TBX3: variants seen among roughly 807,000 people sequenced by gnomAD.
TBX3 encodes T-box transcription factor TBX3.
Under a neutral mutation model 47.8 loss-of-function variants are expected in TBX3, and 11 were observed. The observed-to-expected ratio is 0.23, with a 90% confidence interval of 0.14 to 0.38. The LOEUF is 0.38. Ranked by LOEUF, TBX3 falls within the 10% of genes least tolerant of loss-of-function variation. TBX3 has a pLI of 1.00. For missense variants in TBX3, 927 were observed against 1,022.8 expected, an observed-to-expected ratio of 0.91 and a Z score of 1.28; for synonymous variants, 500 against 449.3, an observed-to-expected ratio of 1.11 and a Z score of -1.43.
intron 1 of TBX3, among the ~76,000 whole-genome samples, chr12:114,681,932 C>A (rs1490940537): frequency 1.3e-5 from 2 of 152,182 alleles, no homozygotes; most frequent in Non-Finnish European, 2.9e-5. Flanking sequence ...TTATGCCAAA[C>A]TTTGGCCTCA....
At position 114,670,322 on chromosome 12, in the gene TBX3, C is replaced by T; in HGVS notation, c.*1519G>A. The T allele has an allele frequency of 4.5e-6, 1 of 224,710 alleles. No homozygotes were observed. The highest frequency in any genetic ancestry group is 8.9e-6 in the Non-Finnish European group (1 of 112,800). The allele number at this position is 224,710 out of a possible 1,614,324, so 13.9% of individuals were successfully genotyped here. A position where few individuals can be genotyped will look rare whatever the true frequency, so the allele number is the denominator to read the frequency against. On this transcript the variant is annotated 3_prime_UTR_variant, in exon 7 of 7. Transcript: ENST00000349155. ...AAGAGAGGGGGAAAAATACAGAAAA[C>T]CAAAGAACTCATCAACAACTATAAC...
At position 114,672,414 on chromosome 12, in the gene TBX3, G is replaced by A; in HGVS notation, c.1711-112C>T. On this transcript the variant is annotated intron_variant, in intron 6 of 6. Transcript: ENST00000349155. ...TGGGCAAGCCATGAATCCCTGGTAT[G>A]TTCTGTTGTTGTTGTTGTTGTGTTT... 3.6e-6 allele frequency: 3 copies of A among 832,602 alleles called. 1 individual carries two copies. Among genetic ancestry groups the A allele is most frequent in the East Asian group, 6.8e-5 (2 of 29,406 alleles). The allele number at this position is 832,602 out of a possible 1,614,324, so 51.6% of individuals were successfully genotyped here.
Position 114,683,573 on chromosome 12 carries a change from T to C in TBX3, c.-373A>G, listed in dbSNP as rs1869047101. ...CCGAGCCCTGCCGCTGAGCTCGAAA[T>C]AGACACTCCAGCCCTGCGTCCCAGG... is the stretch of plus-strand genomic sequence containing the variant. On this transcript the variant is annotated 5_prime_UTR_variant, in exon 1 of 7. Transcript: ENST00000349155. The surrounding 1 kb of genome is among the most constrained non-coding windows in gnomAD (Gnocchi z 7.7). 2 of 301,748 alleles carry C rather than the reference T, an allele frequency of 6.6e-6. No individual in the cohort carries two copies. Among genetic ancestry groups the C allele is most frequent in the East Asian group, 1.1e-4 (2 of 18,956 alleles). The allele number at this position is 301,748 out of a possible 1,614,324, so 18.7% of individuals were successfully genotyped here.
chr12:114,676,274 G>T (rs1266662988), intron 5 of TBX3, 39 bp downstream of exon 5: 1 of 1,612,194 alleles, frequency 6.2e-7, no homozygotes, highest in South Asian at 1.1e-5. Context: ...AGGCCACGAG[G>T]GACTGGAGTC....
rs979005486 is a variant in TBX3 at position 114,671,726 on chromosome 12, C to T, written c.*115G>A. 43 of 1,385,050 alleles carry T rather than the reference C, an allele frequency of 3.1e-5. No homozygotes were observed. The highest frequency in any genetic ancestry group is 4.3e-5 in the African/African-American group (3 of 69,784). 85.8% of individuals were successfully genotyped at this position (1,385,050 alleles called of 1,614,324 possible). A position where few individuals can be genotyped will look rare whatever the true frequency, so the allele number is the denominator to read the frequency against. On this transcript the variant is annotated 3_prime_UTR_variant, in exon 7 of 7. Transcript: ENST00000349155. ...AGGGAGTCCGGGGCCCCTTCCCAGA[C>T]GCAACTGCAAAAGGAAGGGCTAACG... is the stretch of plus-strand genomic sequence containing the variant.
In TBX3 at chr12:114,683,345, G is replaced by T; in HGVS notation, c.-145C>A. 8.7e-7 allele frequency: 1 copy of T among 1,148,036 alleles called. No individual in the cohort carries two copies. The highest frequency in any genetic ancestry group is 1.2e-6 in the Non-Finnish European group (1 of 824,130). 71.1% of individuals were successfully genotyped at this position (1,148,036 alleles called of 1,614,324 possible). ...AAAAAAGAAAGAAAAAAGAAAAGGA[G>T]GCAGAAATCACAACTAATGCACTTC... is the stretch of plus-strand genomic sequence containing the variant. On this transcript the variant is annotated 5_prime_UTR_variant, in exon 1 of 7. Transcript: ENST00000349155. This position sits in a 1 kb window ranked among gnomAD's most constrained non-coding sequence, Gnocchi z 7.7.
rs1479267403 is a variant in TBX3 at position 114,674,218 on chromosome 12, C to G, written c.1657G>C (p.Ala553Pro). 1.3e-6 allele frequency: 2 copies of G among 1,578,598 alleles called. No individual in the cohort carries two copies. Among genetic ancestry groups the G allele is most frequent in the African/African-American group, 2.7e-5 (2 of 74,716 alleles). Reference sequence around the variant, plus strand: ...TGGAAGGGCAGGGTGGCCGCGGACGCCCCGGACAGTCCCTGCGCCGCAGCG... The same window carrying G: ...TGGAAGGGCAGGGTGGCCGCGGACGGCCCGGACAGTCCCTGCGCCGCAGCG... ...SAAAAQGLSGASAATLPFHLQ... is the reference protein window; with the variant it reads ...SAAAAQGLSGPSAATLPFHLQ... The change falls in exon 6 of 7, where the codon GCG becomes CCG. Residue 553 changes from alanine to proline, a missense_variant. This residue lies in a region of TBX3 where 623 missense variants were observed against 569.0 expected (regional missense o/e 1.09). Coordinates refer to ENST00000349155, the MANE Select transcript of TBX3 (RefSeq NM_005996.4).
rs138698422 is a variant in TBX3, at chr12:114,677,391, A to C, written c.881+189T>G. ...GGTGTAGCCTAGTTAATTTCCTTAAAGGTAAGGAGGTAGGAAAAGTACTTG... is the reference window on the plus strand; with the variant it reads ...GGTGTAGCCTAGTTAATTTCCTTAACGGTAAGGAGGTAGGAAAAGTACTTG... On this transcript the variant is annotated intron_variant, in intron 4 of 6. Coordinates refer to ENST00000349155, the MANE Select transcript of TBX3 (RefSeq NM_005996.4). Among the ~76,000 whole-genome samples the C allele has an allele frequency of 7.9e-3, 1,205 of 152,290 alleles. 15 individuals are homozygous for C. The highest frequency in any genetic ancestry group is 0.017 in the Admixed American group (257 of 15,302).
Position 114,674,205 on chromosome 12 carries a change from G to A in TBX3, c.1670C>T (p.Thr557Ile), listed in dbSNP as rs1229095604. Residue 557 changes from threonine (T) to isoleucine (I), a missense_variant, in exon 6 of 7, where the codon ACC becomes ATC. This residue lies in a region of TBX3 where 623 missense variants were observed against 569.0 expected (regional missense o/e 1.09). Coordinates refer to ENST00000349155, the MANE Select transcript of TBX3 (RefSeq NM_005996.4). ...GTGCTGCTGGAGGTGGAAGGGCAGGGTGGCCGCGGACGCCCCGGACAGTCC... is the reference window on the plus strand; with the variant it reads ...GTGCTGCTGGAGGTGGAAGGGCAGGATGGCCGCGGACGCCCCGGACAGTCC... Reference protein sequence around the residue: ...AQGLSGASAATLPFHLQQHVL... With the variant: ...AQGLSGASAAILPFHLQQHVL... 1 of 1,582,092 alleles carries A rather than the reference G, an allele frequency of 6.3e-7. No individual in the cohort carries two copies. The highest frequency in any genetic ancestry group is 2.3e-5 in the East Asian group (1 of 43,954).
Position 114,683,230 on chromosome 12 carries a change from CG to C in TBX3, c.-31del. ...TCCAGGCGGGGCGCTGGGCTCCAGC[CG>C]GGGACAAGTCCGCAGCTGCTGTGTT... is the stretch of plus-strand genomic sequence containing the variant. On this transcript the variant is annotated 5_prime_UTR_variant, in exon 1 of 7. Transcript: ENST00000349155. This position sits in a 1 kb window ranked among gnomAD's most constrained non-coding sequence, Gnocchi z 7.7. The C allele has an allele frequency of 6.2e-7, 1 of 1,605,258 alleles. No individual in the cohort carries two copies. Among genetic ancestry groups the C allele is most frequent in the Non-Finnish European group, 8.5e-7 (1 of 1,174,912 alleles).
At chr12:114,681,637 G>T (rs1448473856) in intron 1 of TBX3, among the ~76,000 whole-genome samples, 1 of 152,184 alleles carries the variant, frequency 6.6e-6, no homozygotes, top group African/African-American at 2.4e-5. Context: ...CCTCCCTGCT[G>T]CAGAATAGCA....
chr12:114,675,448 C>G (rs778542052), intron 5 of TBX3, among the ~76,000 whole-genome samples: 1 of 152,172 alleles, frequency 6.6e-6, no homozygotes, highest in Admixed American at 6.5e-5. Context: ...AGATGAGTGT[C>G]GGACAGATGG....
rs140774817 is a variant in TBX3, at chr12:114,683,105, C to A, written c.96G>T (p.Ala32=). 8 of 1,612,298 alleles carry A rather than the reference C, an allele frequency of 5.0e-6. No individual in the cohort carries two copies. The highest frequency in any genetic ancestry group is 4.0e-5 in the African/African-American group (3 of 74,884). ...AGAACGGCGGCTGGTGACCCAGCAC[C>A]GCGCTCATGGCGAAGTCCGGCGCCC... ...PHRAPDFAMS[A]VLGHQPPFFP... Residue 32 remains alanine, a synonymous_variant, in exon 1 of 7, where the codon GCG becomes GCT. Coordinates refer to ENST00000349155, the MANE Select transcript of TBX3 (RefSeq NM_005996.4). This position sits in a 1 kb window ranked among gnomAD's most constrained non-coding sequence, Gnocchi z 7.7.
At chr12:114,673,034 A>G (rs1404699852) in intron 6 of TBX3, among the ~76,000 whole-genome samples, 2 of 152,238 alleles carry the variant, frequency 1.3e-5, no homozygotes, top group African/African-American at 4.8e-5. Context: ...GAATTGGCAG[A>G]AGCAGCATTT....
rs2121382592 is a variant in TBX3, at chr12:114,674,329, C to T, written c.1546G>A (p.Ala516Thr). The T allele has an allele frequency of 6.4e-7, 1 of 1,567,394 alleles. No individual in the cohort carries two copies. The highest frequency in any genetic ancestry group is 8.6e-7 in the Non-Finnish European group (1 of 1,156,134). Residue 516 changes from alanine to threonine, a missense_variant, in exon 6 of 7, where the codon GCC becomes ACC. By Grantham distance (58) the Ala-to-Thr change is moderately conservative. This residue lies in a region of TBX3 where 623 missense variants were observed against 569.0 expected (regional missense o/e 1.09). Coordinates refer to ENST00000349155, the MANE Select transcript of TBX3 (RefSeq NM_005996.4). ...GCCAGGAGGGGACCCATGCCAGCGG[C>T]CGCCATGCTGGAGAAGGCGCCCCCC... ...AMGGAFSSMAAAGMGPLLATV... is the reference protein window; with the variant it reads ...AMGGAFSSMATAGMGPLLATV...
chr12:114,672,074 C>A lies in TBX3; in HGVS notation c.1939G>T (p.Ala647Ser). ...TTALPSMAAA[A>S]GPLDGKVAAL... The stretch of plus-strand genomic sequence containing the variant: ...GCGACTTTGCCGTCCAGGGGCCCCG[C>A]GGCCGCCGCCATGGAGGGCAGGGCG... The change falls in exon 7 of 7, where the codon GCG becomes TCG. Residue 647 changes from alanine (A) to serine (S), a missense_variant. Ala to Ser is a moderately conservative substitution (Grantham distance 99). Around this residue, in one of 5 missense-constraint regions of TBX3, gnomAD observed 623 missense variants for 569.0 expected, o/e 1.09. Coordinates refer to ENST00000349155, the MANE Select transcript of TBX3 (RefSeq NM_005996.4). The A allele has an allele frequency of 6.4e-7, 1 of 1,566,350 alleles. No individual in the cohort carries two copies. The highest frequency in any genetic ancestry group is 2.4e-5 in the East Asian group (1 of 41,922).
Position 114,674,606 on chromosome 12 carries a change from C to G in TBX3, c.1269G>C (p.Ser423=), listed in dbSNP as rs773964538. Residue 423 remains serine (S), a synonymous_variant, in exon 6 of 7, where the codon TCG becomes TCC. Coordinates refer to ENST00000349155, the MANE Select transcript of TBX3 (RefSeq NM_005996.4). The stretch of plus-strand genomic sequence containing the variant: ...CCGCGCCCAGGCCGCGAGTGCTGGA[C>G]GAGATGGTGGCGGGGCTATGGCGTG... ...PDSRHSPATI[S]SSTRGLGAEE... is the part of the protein sequence containing the mutation. The G allele has an allele frequency of 6.2e-7, 1 of 1,600,314 alleles. No individual in the cohort carries two copies. Among genetic ancestry groups the G allele is most frequent in the Non-Finnish European group, 8.5e-7 (1 of 1,174,942 alleles).
rs941278850 is a variant in TBX3, at chr12:114,674,598, G to A, written c.1277C>T (p.Thr426Ile). Residue 426 changes from threonine (T) to isoleucine (I), a missense_variant, in exon 6 of 7, where the codon ACT (threonine) becomes ATT (isoleucine). Around this residue, in one of 5 missense-constraint regions of TBX3, gnomAD observed 623 missense variants for 569.0 expected, o/e 1.09. Transcript: ENST00000349155. The part of the protein sequence containing the change: ...RHSPATISSS[T>I]RGLGAEERRS... Reference sequence around the variant, plus strand: ...GCGCTCCTCCGCGCCCAGGCCGCGAGTGCTGGACGAGATGGTGGCGGGGCT... The same window carrying A: ...GCGCTCCTCCGCGCCCAGGCCGCGAATGCTGGACGAGATGGTGGCGGGGCT... 6 of 1,597,712 alleles carry A rather than the reference G, an allele frequency of 3.8e-6. No homozygotes were observed. Among genetic ancestry groups the A allele is most frequent in the Non-Finnish European group, 5.1e-6 (6 of 1,173,846 alleles).
In TBX3 at chr12:114,672,202, T is replaced by C. The variant is rs759202204; in HGVS notation, c.1811A>G (p.His604Arg). Residue 604 changes from histidine (H) to arginine (R), a missense_variant, in exon 7 of 7, where the codon CAC (histidine) becomes CGC (arginine). This residue lies in a region of TBX3 where 623 missense variants were observed against 569.0 expected (regional missense o/e 1.09). Coordinates refer to ENST00000349155, the MANE Select transcript of TBX3 (RefSeq NM_005996.4). ...GTTCAGATTGAGGAAGGGGTGGCGG[T>C]GCACCGAGCTGGAGGCTGCCGCAGA... The part of the protein sequence containing the change: ...ASSAAASSSV[H>R]RHPFLNLNTM... 4.4e-5 allele frequency: 69 copies of C among 1,570,588 alleles called. No homozygotes were observed. Among genetic ancestry groups the C allele is most frequent in the Non-Finnish European group, 6.0e-5 (69 of 1,158,806 alleles).
Sources: gnomAD v4.1 joint callset for allele counts (sites outside exome capture counted in the v4.1 genomes callset) on GRCh38, gnomAD v4.1.1 for gene constraint, gnomAD v4.1.1 regional missense constraint, Gnocchi (gnomAD v3.1) non-coding constraint, MANE v1.5 for transcripts, NCBI Gene and HGNC (gene_info 2026-07-23, HGNC 2026-07-21) for gene names.